Variants in GRIA3 observed in about 807,000 individuals in gnomAD.
GRIA3 encodes glutamate ionotropic receptor AMPA type subunit 3, also known as glutamate receptor 3.
In GRIA3, 3 loss-of-function variants were observed where a neutral mutation model predicts 63.0. That is an observed-to-expected ratio of 0.05 (90% CI 0.02 to 0.12). The LOEUF (loss-of-function observed/expected upper bound fraction) is 0.12. GRIA3 is among the 10% of genes least tolerant of loss of function. The pLI is 1.00. For synonymous variants in GRIA3, 274 were observed against 257.9 expected (o/e 1.06, Z -0.60); for missense variants, 347 against 700.9 (o/e 0.50, Z 5.70).
intron 4 of GRIA3, among the ~76,000 whole-genome samples, chrX:123,341,241 C>G (rs963850734): frequency 1.8e-5 from 2 of 111,832 alleles, no homozygotes; most frequent in Middle Eastern, 4.2e-3. Context: ...TAAGGGGAAA[C>G]AAAAAAGCAA....
chrX:123,458,034 C>A, intron 12 of GRIA3, among the ~76,000 whole-genome samples: 1 of 111,279 alleles, frequency 9.0e-6, no homozygotes, highest in Non-Finnish European at 1.9e-5. Flanking sequence ...AGCCTGCAAA[C>A]AAGGCAATTA....
chrX:123,392,447 A>C (rs1485962956), intron 5 of GRIA3, among the ~76,000 whole-genome samples: 1 of 111,129 alleles, frequency 9.0e-6, no homozygotes, highest in East Asian at 2.8e-4. Flanking sequence ...GCTGCTTAGG[A>C]CTCTGGGGTA....
At chrX:123,429,524 C>T (rs1020676560) in intron 12 of GRIA3, among the ~76,000 whole-genome samples, 1 of 111,728 alleles carries the variant, frequency 9.0e-6, no homozygotes, top group Non-Finnish European at 1.9e-5. Flanking sequence ...CTATGGCAGT[C>T]CCAGAAGCTT....
intron 5 of GRIA3, among the ~76,000 whole-genome samples, chrX:123,363,156 C>G (rs2045187850): frequency 8.9e-6 from 1 of 112,276 alleles, no homozygotes; most frequent in Non-Finnish European, 1.9e-5. Context: ...AAGGCAGAGC[C>G]AGTCTTCATC....
intron 13 of GRIA3, 144 bp downstream of exon 13, chrX:123,465,256 C>T (rs1296334641): frequency 1.7e-5 from 10 of 575,853 alleles, no homozygotes; most frequent in South Asian, 3.2e-5. Context: ...TTAAATAAGA[C>T]GGTAAATTAT....
At chrX:123,471,401 G>A (rs1198505173) in intron 13 of GRIA3, among the ~76,000 whole-genome samples, 1 of 112,080 alleles carries the variant, frequency 8.9e-6, no homozygotes, top group Non-Finnish European at 1.9e-5. Flanking sequence ...CCTTAACATG[G>A]TTTCTATGAT....
intron 12 of GRIA3, among the ~76,000 whole-genome samples, chrX:123,449,071 A>T (rs905915598): frequency 1.3e-4 from 15 of 111,626 alleles, no homozygotes; most frequent in African/African-American, 4.6e-4. Context: ...TAACTTCAGG[A>T]TCTATACTCT....
rs771199685 is a variant in GRIA3 at position 123,447,297 on chromosome X, A to C, written c.2077-17568A>C. On this transcript the variant is annotated intron_variant, in intron 12 of 15. Transcript: ENST00000620443. ...GTCTCAAAAACAAAACAAAACAAAA[A>C]AAAACACAACAAACAAAAAATAATA... Among the ~76,000 whole-genome samples, 6 of 111,961 alleles carry C rather than the reference A, an allele frequency of 5.4e-5. No individual in the cohort carries two copies. The South Asian group carries it at 1.1e-3, about 21-fold the overall frequency.
intron 7 of GRIA3, among the ~76,000 whole-genome samples, chrX:123,401,454 C>G (rs2045443016): frequency 1.8e-5 from 2 of 111,793 alleles, no homozygotes; most frequent in Admixed American, 1.9e-4. Context: ...GTATAAAGAG[C>G]CCTTCATGCT....
intron 5 of GRIA3, among the ~76,000 whole-genome samples, chrX:123,372,429 T>A (rs1282580525): frequency 2.7e-5 from 3 of 112,191 alleles, no homozygotes; most frequent in Non-Finnish European, 5.6e-5. Context: ...GGTATTTTGA[T>A]AAGGATTGTA....
At chrX:123,297,755 T>G (rs543989746) in intron 3 of GRIA3, among the ~76,000 whole-genome samples, 84 of 110,815 alleles carry the variant, frequency 7.6e-4, no homozygotes, top group African/African-American at 2.7e-3. Flanking sequence ...CGGGGGTACA[T>G]GTGCAGGTTT....
chrX:123,282,064 G>A (rs970427768), intron 3 of GRIA3, among the ~76,000 whole-genome samples: 3 of 112,059 alleles, frequency 2.7e-5, no homozygotes, highest in Non-Finnish European at 5.6e-5. Flanking sequence ...CAGCCTCACA[G>A]TTTCTGCTTC....
intron 14 of GRIA3, 35 bp from the exon 15 acceptor site, chrX:123,482,764 C>T: frequency 1.7e-6 from 2 of 1,204,809 alleles, no homozygotes; most frequent in South Asian, 3.5e-5. Flanking sequence ...CCTTTGTTTT[C>T]CCCAAGATCT....
intron 3 of GRIA3, among the ~76,000 whole-genome samples, chrX:123,256,914 G>T (rs1055544404): frequency 1.8e-5 from 2 of 111,786 alleles, no homozygotes; most frequent in African/African-American, 6.5e-5. Flanking sequence ...AGACAGAATT[G>T]ACAGAACTTG....
At chrX:123,214,833 C>T (rs145768653) in intron 2 of GRIA3, among the ~76,000 whole-genome samples, 1,406 of 112,130 alleles carry the variant, frequency 0.013, 30 homozygotes, top group African/African-American at 0.042. Flanking sequence ...TGTGCTGCTA[C>T]GCAACAGTGT....
intron 5 of GRIA3, among the ~76,000 whole-genome samples, chrX:123,389,371 A>G (rs1278351098): frequency 8.9e-6 from 1 of 111,806 alleles, no homozygotes; most frequent in Admixed American, 9.5e-5. Context: ...TAGTTGTAAT[A>G]GTATTTGTCT....
chrX:123,398,013 G>A (rs1395629811), intron 6 of GRIA3, among the ~76,000 whole-genome samples: 2 of 111,460 alleles, frequency 1.8e-5, no homozygotes, highest in African/African-American at 6.5e-5. Context: ...CCTATGAATT[G>A]TCAACATCAT....
chrX:123,430,089 T>A (rs1368525297), intron 12 of GRIA3, among the ~76,000 whole-genome samples: 1 of 112,101 alleles, frequency 8.9e-6, no homozygotes, highest in East Asian at 2.8e-4. Flanking sequence ...TACTAAATCA[T>A]TCAATCATGA....
chrX:123,245,273 A>G (rs939664891), intron 2 of GRIA3, among the ~76,000 whole-genome samples: 2 of 111,686 alleles, frequency 1.8e-5, no homozygotes, highest in South Asian at 3.8e-4. Context: ...TAGAGAAATA[A>G]TATGCTGAGT....
Sources: gnomAD v4.1 joint callset for allele counts (sites outside exome capture counted in the v4.1 genomes callset) on GRCh38, gnomAD v4.1.1 for gene constraint, MANE v1.5 for transcripts, NCBI Gene and HGNC (gene_info 2026-07-23, HGNC 2026-07-21) for gene names.